Variants in CGGBP1 observed in about 807,000 individuals in gnomAD.
CGGBP1 encodes CGG triplet repeat binding protein 1.
In CGGBP1, 4 loss-of-function variants were observed where a neutral mutation model predicts 11.4. The ratio of observed to expected loss-of-function variants is 0.35; its 90% CI spans 0.17 to 0.80. The LOEUF (loss-of-function observed/expected upper bound fraction) is 0.80, where lower values mean the gene tolerates loss of function less well. Ranked by LOEUF, CGGBP1 falls within the 30% of genes least tolerant of loss-of-function variation. The pLI, the probability that CGGBP1 is intolerant of heterozygous loss-of-function variation, is 0.52. For missense variants in CGGBP1, 135 were observed against 202.1 expected (o/e 0.67, Z 2.01); for synonymous variants, 76 against 74.1 (o/e 1.03, Z -0.13).
At chr3:88,099,734 T>C (rs1704290665) in intron 2 of CGGBP1, among the ~76,000 whole-genome samples, 4 of 152,210 alleles carry the variant, frequency 2.6e-5, no homozygotes, top group Admixed American at 2.6e-4. Flanking sequence ...AAGGATTCCC[T>C]ATTTAATAAA....
At chr3:88,062,013 CTTCTT>C (rs955472614), upstream of CGGBP1, among the ~76,000 whole-genome samples, 8 of 152,170 alleles carry the variant, frequency 5.3e-5, no homozygotes, top group African/African-American at 1.7e-4. Context: ...GGAAGGAACA[CTTCTT>C]TTCCAGAGGG....
At position 88,135,314 on chromosome 3, in the gene CGGBP1, T is replaced by G. The variant is rs1190667227; in HGVS notation, c.-229+5656A>C. On this transcript the variant is annotated intron_variant, in intron 2 of 3. Transcript: ENST00000462901. ...TTTAAAACTGAAGGAAAGGAGGATTTTAAGGCCACATTCTCCATACATTAC... is the reference window on the plus strand; with the variant it reads ...TTTAAAACTGAAGGAAAGGAGGATTGTAAGGCCACATTCTCCATACATTAC... The G allele has an allele frequency of 1.6e-5, 14 of 872,918 alleles. No homozygotes were observed. The East Asian group carries it at 4.2e-4, about 26-fold the overall frequency. The allele number at this position is 872,918 out of a possible 1,614,324, so 54.1% of individuals were successfully genotyped here.
At chr3:88,105,138 C>T (rs1246570000) in intron 2 of CGGBP1, among the ~76,000 whole-genome samples, 14 of 152,176 alleles carry the variant, frequency 9.2e-5, no homozygotes, top group Non-Finnish European at 8.8e-5. Flanking sequence ...GACTCCATCT[C>T]AGAAAACAAA....
chr3:88,140,306 A>G (rs749299551), intron 2 of CGGBP1: 3 of 1,613,738 alleles, frequency 1.9e-6, no homozygotes, highest in Admixed American at 3.3e-5. Flanking sequence ...CATCTGCACA[A>G]CCAAGTGAAA....
chr3:88,140,220 T>A, intron 2 of CGGBP1: 1 of 1,613,532 alleles, frequency 6.2e-7, no homozygotes, highest in Non-Finnish European at 8.5e-7. Context: ...TTTTCCAGAA[T>A]GCCATGAGCT....
rs1706646881 is a variant in CGGBP1, at chr3:88,134,371, CT to C, written c.-229+6598del. On this transcript the variant is annotated intron_variant, in intron 2 of 3. Coordinates refer to the CGGBP1 transcript ENST00000462901. ...CTTTTAGATTATGATGCTTTGTACA[CT>C]TTTATGACATGTTTTAAAGAATTCT... 2.0e-5 allele frequency among the ~76,000 whole-genome samples: 3 copies of C among 151,944 alleles called. No homozygotes were observed. The South Asian group carries it at 6.2e-4, about 32-fold the overall frequency.
chr3:88,056,956 T>G (rs1476835047), intron 3 of CGGBP1: 1 of 152,204 alleles, frequency 6.6e-6, no homozygotes, highest in African/African-American at 2.4e-5. Context: ...TTGAAACCTT[T>G]ACATAATGAA....
chr3:88,096,766 C>T lies in CGGBP1; in HGVS notation c.-228-38543G>A, dbSNP rs1041134358. Among the ~76,000 whole-genome samples the T allele has an allele frequency of 7.2e-5, 11 of 151,978 alleles. 1 individual carries two copies. The highest frequency in any genetic ancestry group is 2.6e-4 in the Admixed American group (4 of 15,234). On this transcript the variant is annotated intron_variant, in intron 2 of 3. Coordinates refer to the CGGBP1 transcript ENST00000462901. Reference sequence around the variant, plus strand: ...ATGGTTCAAAATTCGAAAAGTGTGGCGTATACAATGAGATACCCTTGCCAT... The same window carrying T: ...ATGGTTCAAAATTCGAAAAGTGTGGTGTATACAATGAGATACCCTTGCCAT...
At chr3:88,101,701 T>C (rs778557772) in intron 2 of CGGBP1, among the ~76,000 whole-genome samples, 5 of 152,152 alleles carry the variant, frequency 3.3e-5, no homozygotes, top group Admixed American at 6.5e-5. Flanking sequence ...AGGCATAGAA[T>C]TGTTAGATGT....
chr3:88,132,000 C>T (rs754528952), intron 2 of CGGBP1, among the ~76,000 whole-genome samples: 7 of 152,140 alleles, frequency 4.6e-5, no homozygotes, highest in Non-Finnish European at 1.0e-4. Context: ...CTTTCTCCTT[C>T]ACAATCATTA....
At chr3:88,079,474 TGATA>T (rs1387349231) in intron 2 of CGGBP1, among the ~76,000 whole-genome samples, 2 of 152,136 alleles carry the variant, frequency 1.3e-5, no homozygotes, top group Non-Finnish European at 2.9e-5. Context: ...AAACTGGAAC[TGATA>T]GATGGATGTC....
At chr3:88,129,713 TG>T in intron 2 of CGGBP1, 1 of 1,507,330 alleles carries the variant, frequency 6.6e-7, no homozygotes, top group South Asian at 1.2e-5. Flanking sequence ...ATTGTAAGAG[TG>T]GAATTGATAT....
intron 2 of CGGBP1, among the ~76,000 whole-genome samples, chr3:88,108,199 A>G (rs1335825301): frequency 6.6e-6 from 1 of 152,052 alleles, no homozygotes; most frequent in Non-Finnish European, 1.5e-5. Context: ...AGATTTTCAA[A>G]GTAGTTTTTT....
At chr3:88,138,918 C>G in intron 2 of CGGBP1, 1 of 1,235,112 alleles carries the variant, frequency 8.1e-7, no homozygotes, top group East Asian at 3.1e-5. Context: ...GCTTTACAAA[C>G]GTCCAGATGA....
At chr3:88,095,106 A>C (rs1188506280) in intron 2 of CGGBP1, among the ~76,000 whole-genome samples, 3 of 152,174 alleles carry the variant, frequency 2.0e-5, no homozygotes, top group Admixed American at 2.0e-4. Flanking sequence ...CTTATTAGCT[A>C]TAGTTTTCTT....
At chr3:88,113,432 C>T (rs1705210270) in intron 2 of CGGBP1, among the ~76,000 whole-genome samples, 1 of 152,082 alleles carries the variant, frequency 6.6e-6, no homozygotes, top group Non-Finnish European at 1.5e-5. Flanking sequence ...TAGAAAAGAG[C>T]CTGCTACCAC....
chr3:88,119,884 T>TAA (rs1705666328), intron 2 of CGGBP1, among the ~76,000 whole-genome samples: 1 of 152,174 alleles, frequency 6.6e-6, no homozygotes, highest in Non-Finnish European at 1.5e-5. Flanking sequence ...ATGCTGTTAG[T>TAA]TGATGGTTTT....
rs1025253972 is a variant in CGGBP1 at position 88,055,154 on chromosome 3, A to C, written c.*319T>G. On this transcript the variant is annotated 3_prime_UTR_variant, in exon 4 of 4. Transcript: ENST00000482016. The surrounding 1 kb of genome is among the most constrained non-coding windows in gnomAD (Gnocchi z 4.2). ...CTCACAAGGAATAATCATACATGGC[A>C]ACAGGGTAAAAAAGCAGGGCAGTTC... The C allele has an allele frequency of 4.8e-6, 1 of 206,990 alleles. No individual in the cohort carries two copies. The highest frequency in any genetic ancestry group is 2.3e-5 in the African/African-American group (1 of 43,628). The allele number at this position is 206,990 out of a possible 1,614,324, so 12.8% of individuals were successfully genotyped here. A position where few individuals can be genotyped will look rare whatever the true frequency, so the allele number is the denominator to read the frequency against.
chr3:88,108,341 A>G (rs1358514702), intron 2 of CGGBP1, among the ~76,000 whole-genome samples: 2 of 151,986 alleles, frequency 1.3e-5, no homozygotes, highest in African/African-American at 4.8e-5. Context: ...CTAGCATTTT[A>G]ATTGTTTTCA....
Sources: allele counts gnomAD v4.1 joint callset (sites outside exome capture counted in the v4.1 genomes callset), GRCh38; gene constraint gnomAD v4.1.1; non-coding constraint Gnocchi (gnomAD v3.1); transcripts MANE v1.5; gene names NCBI Gene and HGNC (gene_info 2026-07-23, HGNC 2026-07-21).